PRKG1: variants seen among roughly 807,000 people sequenced by gnomAD.
PRKG1 encodes the protein protein kinase cGMP-dependent 1.
Under a neutral mutation model 88.1 loss-of-function variants are expected in PRKG1, and 35 were observed. The observed-to-expected ratio is 0.40, with a 90% CI of 0.30 to 0.53. The LOEUF (loss-of-function observed/expected upper bound fraction) is 0.53. Among genes scored for constraint, PRKG1 ranks in the 20% least tolerant of loss-of-function variants. The pLI is 0.59. For synonymous variants in PRKG1, 303 were observed against 292.5 expected (o/e 1.04, Z -0.37); for missense variants, 540 against 839.8 (o/e 0.64, Z 4.41).
intron 5 of PRKG1, among the ~76,000 whole-genome samples, chr10:52,034,814 T>C (rs899723567): frequency 6.6e-6 from 1 of 152,144 alleles, no homozygotes; most frequent in Non-Finnish European, 1.5e-5. Flanking sequence ...GTCTGGTGTC[T>C]GGAATGAGAC....
intron 8 of PRKG1, among the ~76,000 whole-genome samples, chr10:52,151,924 C>G (rs1281678625): frequency 6.6e-6 from 1 of 152,106 alleles, no homozygotes; most frequent in Non-Finnish European, 1.5e-5. Context: ...TCATTATGGT[C>G]TAAAATAATT....
intron 3 of PRKG1, among the ~76,000 whole-genome samples, chr10:51,670,791 T>TC (rs1446507500): frequency 4.0e-5 from 6 of 149,400 alleles, no homozygotes; most frequent in Non-Finnish European, 7.4e-5. Flanking sequence ...TAAATAAAAA[T>TC]GCAAGATACA....
chr10:51,626,370 T>A (rs1055589238), intron 3 of PRKG1, among the ~76,000 whole-genome samples: 1 of 152,214 alleles, frequency 6.6e-6, no homozygotes, highest in Non-Finnish European at 1.5e-5. Flanking sequence ...ATAGGGCATA[T>A]TTTTAGGTAT....
intron 4 of PRKG1, among the ~76,000 whole-genome samples, chr10:51,809,190 CTG>C (rs1839387206): frequency 6.6e-6 from 1 of 151,986 alleles, no homozygotes; most frequent in South Asian, 2.1e-4. Context: ...CCACATCAAA[CTG>C]TGATTCTGTC....
At chr10:51,310,920 G>T (rs1841168257) in intron 2 of PRKG1, among the ~76,000 whole-genome samples, 1 of 152,188 alleles carries the variant, frequency 6.6e-6, no homozygotes, top group African/African-American at 2.4e-5. Flanking sequence ...AGGGTGATCA[G>T]GTTTCATTCT....
chr10:51,289,844 A>T (rs1840536765), intron 2 of PRKG1, among the ~76,000 whole-genome samples: 1 of 152,104 alleles, frequency 6.6e-6, no homozygotes, highest in African/African-American at 2.4e-5. Context: ...ACAAGTCTAG[A>T]TGGCCTTAAG....
intron 2 of PRKG1, among the ~76,000 whole-genome samples, chr10:51,211,990 A>C (rs933082532): frequency 1.3e-5 from 2 of 152,218 alleles, no homozygotes; most frequent in African/African-American, 4.8e-5. Flanking sequence ...GGAACCAAAA[A>C]AGAGCCTGCA....
intron 3 of PRKG1, among the ~76,000 whole-genome samples, chr10:51,471,385 A>G (rs976183632): frequency 6.6e-6 from 1 of 151,910 alleles, no homozygotes; most frequent in Non-Finnish European, 1.5e-5. Context: ...ATCCGTTTTC[A>G]ACCCCACAGG....
chr10:51,260,924 C>G (rs1839689343), intron 2 of PRKG1, among the ~76,000 whole-genome samples: 2 of 152,144 alleles, frequency 1.3e-5, no homozygotes, highest in Non-Finnish European at 2.9e-5. Context: ...ATGTCTGTTT[C>G]TTATTTGATA....
At chr10:51,057,345 C>A (rs1843638402) in intron 1 of PRKG1, among the ~76,000 whole-genome samples, 1 of 152,170 alleles carries the variant, frequency 6.6e-6, no homozygotes, top group African/African-American at 2.4e-5. Flanking sequence ...TTGTAGATAT[C>A]TAAAATGATA....
At chr10:51,533,961 C>T (rs116741948) in intron 3 of PRKG1, among the ~76,000 whole-genome samples, 1,836 of 152,224 alleles carry the variant, frequency 0.012, 28 homozygotes, top group African/African-American at 0.042. Context: ...ATGATTTGTC[C>T]AAAGTCACAA....
At chr10:52,124,435 T>A (rs911688219) in intron 7 of PRKG1, among the ~76,000 whole-genome samples, 2 of 152,160 alleles carry the variant, frequency 1.3e-5, no homozygotes, top group Admixed American at 6.6e-5. Context: ...AGCAAAAATA[T>A]ACCATGAAAG....
At chr10:52,137,223 T>A (rs567166692) in intron 8 of PRKG1, among the ~76,000 whole-genome samples, 29 of 152,058 alleles carry the variant, frequency 1.9e-4, no homozygotes, top group Non-Finnish European at 4.0e-4. Flanking sequence ...TTGTAACTAA[T>A]CATGCATGTC....
chr10:51,039,685 G>A (rs1409214375), intron 1 of PRKG1, among the ~76,000 whole-genome samples: 7 of 152,214 alleles, frequency 4.6e-5, no homozygotes, highest in Non-Finnish European at 8.8e-5. Flanking sequence ...CCAGTGTCCT[G>A]GAGAGTTTTC....
chr10:51,435,408 C>A (rs1838894449), intron 2 of PRKG1, among the ~76,000 whole-genome samples: 2 of 133,788 alleles, frequency 1.5e-5, no homozygotes, highest in Admixed American at 1.5e-4. Context: ...CCCAGGGACA[C>A]CAAGGGACAT....
chr10:52,231,413 G>T (rs1372286642), intron 9 of PRKG1: 1 of 151,514 alleles, frequency 6.6e-6, no homozygotes, highest in African/African-American at 2.4e-5. Context: ...AAGAAAGAAA[G>T]AGAGAAAGAG....
chr10:51,128,093 T>C (rs113147083), intron 1 of PRKG1, among the ~76,000 whole-genome samples: 52 of 152,238 alleles, frequency 3.4e-4, no homozygotes, highest in African/African-American at 1.1e-3. Flanking sequence ...ACCTCCATGT[T>C]TGGGGCATGT....
At chr10:51,809,288 G>GAA (rs56821994) in intron 4 of PRKG1, among the ~76,000 whole-genome samples, 21,556 of 144,840 alleles carry the variant, frequency 0.15, 2,147 homozygotes, top group African/African-American at 0.29. Context: ...CCAGATCATA[G>GAA]AAAAAAAAAA....
chr10:51,616,280 T>A (rs1045648538), intron 3 of PRKG1, among the ~76,000 whole-genome samples: 12 of 152,178 alleles, frequency 7.9e-5, no homozygotes, highest in Admixed American at 6.5e-4. Context: ...CATGGTTCAC[T>A]TCTTGGCCCT....
Sources: allele counts gnomAD v4.1 joint callset (sites outside exome capture counted in the v4.1 genomes callset), GRCh38; gene constraint gnomAD v4.1.1; transcripts MANE v1.5; gene names NCBI Gene and HGNC (gene_info 2026-07-23, HGNC 2026-07-21).